The following LINGO2 variants were observed in gnomAD, a reference collection of about 807,000 sequenced individuals.
LINGO2 encodes the protein leucine-rich repeat and immunoglobulin-like domain-containing nogo receptor-interacting protein 2.
In LINGO2, 14 loss-of-function variants were observed where a neutral mutation model predicts 30.6. That is an observed-to-expected ratio of 0.46 (90% CI 0.30 to 0.72). The LOEUF (loss-of-function observed/expected upper bound fraction) is 0.72, where lower values mean the gene tolerates loss of function less well. LINGO2 is among the 30% of genes least tolerant of loss of function. LINGO2 has a pLI of 0.07. For synonymous variants in LINGO2, 317 were observed against 288.5 expected (o/e 1.10, Z -1.00); for missense variants, 729 against 751.7 (o/e 0.97, Z 0.35).
chr9:28,301,705 C>A (rs1284598821), intron 3 of LINGO2, among the ~76,000 whole-genome samples: 1 of 152,110 alleles, frequency 6.6e-6, no homozygotes, highest in Admixed American at 6.6e-5. Flanking sequence ...ATGATTCTTC[C>A]ATGAATTGCA....
At chr9:29,114,179 TA>T in the LINGO2 span, among the ~76,000 whole-genome samples, 1,398 of 148,800 alleles carry the variant, frequency 9.4e-3, 27 homozygotes, top group African/African-American at 0.031. Flanking sequence ...ATAATATATA[TA>T]TTTTTTTTAA....
At chr9:28,811,136 G>C in the LINGO2 span, among the ~76,000 whole-genome samples, 6 of 151,864 alleles carry the variant, frequency 4.0e-5, no homozygotes, top group Non-Finnish European at 7.4e-5. Flanking sequence ...TTTGTAAATG[G>C]GATCATAATC....
chr9:28,836,608 G>A, the LINGO2 span, among the ~76,000 whole-genome samples: 15,754 of 152,030 alleles, frequency 0.1, 970 homozygotes, highest in African/African-American at 0.16. Flanking sequence ...GAGCCACCAC[G>A]CCTGGCCCTA....
intron 2 of LINGO2, among the ~76,000 whole-genome samples, chr9:28,436,788 A>G (rs1260028311): frequency 6.6e-6 from 1 of 152,138 alleles, no homozygotes. Context: ...GTGTCGGGGT[A>G]TAGAGAAATG....
Position 28,514,954 on chromosome 9 carries a change from T to C in LINGO2, c.-364-38929A>G, listed in dbSNP as rs564306037. 9.3e-5 allele frequency among the ~76,000 whole-genome samples: 14 copies of C among 150,168 alleles called. No individual in the cohort carries two copies. The South Asian group carries it at 1.9e-3, about 20-fold the overall frequency. ...TCTATTTAAAAAAAAAAAAGAAGCC[T>C]GGATAACAGCACATCTGTTTATAGC... On this transcript the variant is annotated intron_variant, in intron 1 of 5. Transcript: ENST00000379992.
chr9:28,135,140 AC>A (rs1458714074), intron 4 of LINGO2, among the ~76,000 whole-genome samples: 5 of 152,224 alleles, frequency 3.3e-5, no homozygotes, highest in African/African-American at 1.2e-4. Context: ...TGAATAAAAA[AC>A]AATCTCAAGA....
intron 1 of LINGO2, among the ~76,000 whole-genome samples, chr9:28,624,919 C>T (rs1413096326): frequency 6.6e-6 from 1 of 151,464 alleles, no homozygotes; most frequent in Non-Finnish European, 1.5e-5. Context: ...ACTTTTGTTG[C>T]TGCCAGCTGC....
chr9:28,689,567 G>A, the LINGO2 span, among the ~76,000 whole-genome samples: 1 of 152,102 alleles, frequency 6.6e-6, no homozygotes, highest in South Asian at 2.1e-4. Flanking sequence ...ACAGATGCTG[G>A]TAAGGTTGTG....
chr9:28,071,074 C>T (rs1825461284), intron 4 of LINGO2, among the ~76,000 whole-genome samples: 1 of 152,090 alleles, frequency 6.6e-6, no homozygotes, highest in Non-Finnish European at 1.5e-5. Flanking sequence ...TGTCTGAGTA[C>T]CAACAGTTAT....
intron 1 of LINGO2, among the ~76,000 whole-genome samples, chr9:28,521,825 A>T (rs1482556750): frequency 6.6e-6 from 1 of 152,146 alleles, no homozygotes; most frequent in East Asian, 1.9e-4. Flanking sequence ...TAATAAGAAA[A>T]TGGAAATTTG....
At chr9:28,237,126 G>GA (rs918323315) in intron 4 of LINGO2, among the ~76,000 whole-genome samples, 1 of 133,324 alleles carries the variant, frequency 7.5e-6, no homozygotes, top group African/African-American at 2.8e-5. Context: ...GCGGGGGGGG[G>GA]GTAAAGTTAA....
At chr9:28,142,696 T>A (rs1176388807) in intron 4 of LINGO2, among the ~76,000 whole-genome samples, 1 of 152,218 alleles carries the variant, frequency 6.6e-6, no homozygotes, top group African/African-American at 2.4e-5. Context: ...ATTGTGGGGA[T>A]TTTGAGTTGA....
At chr9:29,102,028 C>G in the LINGO2 span, among the ~76,000 whole-genome samples, 1 of 151,500 alleles carries the variant, frequency 6.6e-6, no homozygotes, top group Non-Finnish European at 1.5e-5. Flanking sequence ...GTTGACTTTT[C>G]AGAGATAAAA....
chr9:29,154,439 G>A, the LINGO2 span, among the ~76,000 whole-genome samples: 5 of 125,074 alleles, frequency 4.0e-5, no homozygotes, highest in Admixed American at 3.7e-4. Flanking sequence ...GACAGAGTGC[G>A]ACTCCGTCTC....
At chr9:28,102,387 G>T (rs1330839052) in intron 4 of LINGO2, among the ~76,000 whole-genome samples, 1 of 152,008 alleles carries the variant, frequency 6.6e-6, no homozygotes, top group Non-Finnish European at 1.5e-5. Flanking sequence ...ATCCCTAGCT[G>T]CCAGAAATGA....
intron 4 of LINGO2, among the ~76,000 whole-genome samples, chr9:28,055,153 C>T (rs1314241018): frequency 6.6e-6 from 1 of 152,108 alleles, no homozygotes; most frequent in African/African-American, 2.4e-5. Flanking sequence ...CTTTTGTTTT[C>T]CTTGTGGTTT....
chr9:29,112,003 C>G, the LINGO2 span, among the ~76,000 whole-genome samples: 1 of 111,504 alleles, frequency 9.0e-6, no homozygotes, highest in African/African-American at 3.4e-5. Flanking sequence ...TGTATCAATA[C>G]TGTATCCCTT....
intron 4 of LINGO2, among the ~76,000 whole-genome samples, chr9:28,236,910 C>G (rs1282881647): frequency 6.6e-6 from 1 of 151,896 alleles, no homozygotes. Context: ...GTTTGTAACA[C>G]AAAGGACAAT....
chr9:27,998,509 T>G (rs1188287769), intron 5 of LINGO2, among the ~76,000 whole-genome samples: 1 of 152,172 alleles, frequency 6.6e-6, no homozygotes, highest in Non-Finnish European at 1.5e-5. Context: ...CCTGGCACGG[T>G]GGCTCATGCC....
Sources: gnomAD v4.1 joint callset for allele counts (sites outside exome capture counted in the v4.1 genomes callset) on GRCh38, gnomAD v4.1.1 for gene constraint, MANE v1.5 for transcripts, NCBI Gene and HGNC (gene_info 2026-07-23, HGNC 2026-07-21) for gene names.